CDC73: variants seen among roughly 807,000 people sequenced by gnomAD.
The protein encoded by CDC73 is cell division cycle 73.
In CDC73, 21 loss-of-function variants were observed where a neutral mutation model predicts 83.7. The observed-to-expected ratio is 0.25, with a 90% CI of 0.18 to 0.36. The LOEUF (loss-of-function observed/expected upper bound fraction) is 0.36, where lower values mean the gene tolerates loss of function less well. CDC73 is among the 10% of genes least tolerant of loss of function. The probability of loss-of-function intolerance (pLI) is 1.00; values close to 1 mark genes in which losing one functional copy is unlikely to be tolerated. For synonymous variants in CDC73, 224 were observed against 212.9 expected (o/e 1.05, Z -0.45); for missense variants, 342 against 653.3 (o/e 0.52, Z 5.19).
At chr1:193,138,445 T>G (rs1240875153) in intron 6 of CDC73, among the ~76,000 whole-genome samples, 1 of 152,236 alleles carries the variant, frequency 6.6e-6, no homozygotes, top group East Asian at 1.9e-4. Flanking sequence ...TTACCTCTTA[T>G]TGATTACTTA....
At position 193,250,535 on chromosome 1, in the gene CDC73, T is replaced by C. The variant is rs191483187; in HGVS notation, c.1560-141T>C. On this transcript the variant is annotated intron_variant, in intron 16 of 16. Coordinates refer to ENST00000367435, the MANE Select transcript of CDC73 (RefSeq NM_024529.5). ...TATTTCTAGCTTATTCCAGAGTCTT[T>C]ATATTTCCAGTTTTCTAGAAAACAG... 8.5e-4 allele frequency: 552 copies of C among 646,144 alleles called. 1 individual carries two copies. The Middle Eastern group carries it at 9.6e-3, about 11-fold the overall frequency. The allele number at this position is 646,144 out of a possible 1,614,324, so 40.0% of individuals were successfully genotyped here.
chr1:193,214,665 G>A (rs1030829343), intron 13 of CDC73, among the ~76,000 whole-genome samples: 3 of 152,212 alleles, frequency 2.0e-5, no homozygotes, highest in African/African-American at 7.2e-5. Context: ...CTTGCAGTGA[G>A]CTGAGATGCC....
At position 193,180,525 on chromosome 1, in the gene CDC73, G is replaced by T. The variant is rs1315710761; in HGVS notation, c.973-23270G>T. The T allele has an allele frequency of 9.3e-6, 15 of 1,613,936 alleles. No homozygotes were observed. The Admixed American group carries it at 1.8e-4, about 20-fold the overall frequency. On this transcript the variant is annotated intron_variant, in intron 10 of 16. Transcript: ENST00000367435. ...GATCAATTCTCAACTTGGCAAGACAGATCCCTACATATACATCTTCCAAGT... is the reference window on the plus strand; with the variant it reads ...GATCAATTCTCAACTTGGCAAGACATATCCCTACATATACATCTTCCAAGT...
chr1:193,200,512 G>A (rs1033412841), intron 10 of CDC73, among the ~76,000 whole-genome samples: 1 of 152,116 alleles, frequency 6.6e-6, no homozygotes, highest in Admixed American at 6.5e-5. Flanking sequence ...TCCCTTCTGT[G>A]TTAATTCAGT....
intron 10 of CDC73, among the ~76,000 whole-genome samples, chr1:193,176,991 T>G (rs575709356): frequency 6.6e-6 from 1 of 152,236 alleles, no homozygotes; most frequent in South Asian, 2.1e-4. Flanking sequence ...AAACAACAAC[T>G]GGAAAGAAGG....
rs1678052963 is a variant in CDC73, at chr1:193,252,112, G to A, written c.*1400G>A. 1 of 230,904 alleles carries A rather than the reference G, an allele frequency of 4.3e-6. No individual in the cohort carries two copies. The highest frequency in any genetic ancestry group is 2.2e-5 in the African/African-American group (1 of 45,178). 14.3% of individuals were successfully genotyped at this position (230,904 alleles called of 1,614,324 possible). A position where few individuals can be genotyped will look rare whatever the true frequency, so the allele number is the denominator to read the frequency against. ...AGTGATCACATAGTTCATACCACTA[G>A]TAACTAGAAAAGATATTTATTCACA... On this transcript the variant is annotated 3_prime_UTR_variant, in exon 17 of 17. Coordinates refer to ENST00000367435, the MANE Select transcript of CDC73 (RefSeq NM_024529.5).
intron 15 of CDC73, chr1:193,237,180 A>G (rs1677775743): frequency 6.6e-6 from 1 of 151,850 alleles, no homozygotes; most frequent in Non-Finnish European, 1.5e-5. Context: ...TCCACCCATT[A>G]GTTATTATGA....
chr1:193,240,778 T>A (rs1230571337), intron 15 of CDC73, among the ~76,000 whole-genome samples: 1 of 152,226 alleles, frequency 6.6e-6, no homozygotes, highest in East Asian at 1.9e-4. Flanking sequence ...TTTCTCCCAT[T>A]CAACAGGTTG....
At chr1:193,222,573 G>C (rs1677490585) in intron 13 of CDC73, among the ~76,000 whole-genome samples, 1 of 151,830 alleles carries the variant, frequency 6.6e-6, no homozygotes, top group Non-Finnish European at 1.5e-5. Flanking sequence ...GTGATAATCA[G>C]TCCTATGAGG....
Position 193,147,979 on chromosome 1 carries a change from A to G in CDC73, c.828+14A>G, listed in dbSNP as rs746954367. ...GCAGCACCTGTGGTAAGAATGCTTTACTGCTTTACAGTAGATTTAATGAAG... is the reference window on the plus strand; with the variant it reads ...GCAGCACCTGTGGTAAGAATGCTTTGCTGCTTTACAGTAGATTTAATGAAG... On this transcript the variant is annotated intron_variant, in intron 8 of 16. Transcript: ENST00000367435. The G allele has an allele frequency of 1.3e-6, 2 of 1,546,634 alleles. No homozygotes were observed. The highest frequency in any genetic ancestry group is 2.2e-5 in the South Asian group (2 of 89,574).
chr1:193,231,911 T>C (rs1489188830), intron 13 of CDC73, among the ~76,000 whole-genome samples: 1 of 152,170 alleles, frequency 6.6e-6, no homozygotes, highest in Non-Finnish European at 1.5e-5. Flanking sequence ...TTGTATTCCC[T>C]CCATTTTATT....
chr1:193,201,394 C>T (rs572150424), intron 10 of CDC73, among the ~76,000 whole-genome samples: 11 of 152,298 alleles, frequency 7.2e-5, no homozygotes, highest in Admixed American at 2.6e-4. Flanking sequence ...TGCGTTATAG[C>T]TTAATTCTCT....
At chr1:193,229,346 T>C (rs970919545) in intron 13 of CDC73, among the ~76,000 whole-genome samples, 6 of 152,214 alleles carry the variant, frequency 3.9e-5, no homozygotes, top group African/African-American at 1.4e-4. Flanking sequence ...TCCCACAAAA[T>C]TTATATGTTG....
At chr1:193,151,209 T>A (rs181439344) in intron 9 of CDC73, among the ~76,000 whole-genome samples, 1 of 152,374 alleles carries the variant, frequency 6.6e-6, no homozygotes, top group African/African-American at 2.4e-5. Flanking sequence ...ATGATATTTT[T>A]AAGCATAATC....
intron 3 of CDC73, 81 bp from the exon 4 acceptor site, chr1:193,135,310 A>T: frequency 8.5e-7 from 1 of 1,173,156 alleles, no homozygotes; most frequent in South Asian, 1.3e-5. Flanking sequence ...TATATAAAAA[A>T]CCTAAAGCAT....
In CDC73 at chr1:193,207,391, T is replaced by G. The variant is rs116514106; in HGVS notation, c.1030+3539T>G. 3.1e-3 allele frequency among the ~76,000 whole-genome samples: 467 copies of G among 152,232 alleles called. 5 individuals are homozygous for G. Among genetic ancestry groups the G allele is most frequent in the African/African-American group, 0.011 (447 of 41,538 alleles). On this transcript the variant is annotated intron_variant, in intron 11 of 16. Transcript: ENST00000367435. ...ACAGGGTTCGAGAGCAGAGAACCAATCTGACCAAAATTTACCAGGCTGGAA... is the reference window on the plus strand; with the variant it reads ...ACAGGGTTCGAGAGCAGAGAACCAAGCTGACCAAAATTTACCAGGCTGGAA...
At chr1:193,162,374 A>G (rs1676353954) in intron 10 of CDC73, among the ~76,000 whole-genome samples, 1 of 140,416 alleles carries the variant, frequency 7.1e-6, no homozygotes, top group African/African-American at 2.7e-5. Context: ...TAGTGTATAT[A>G]TATATATACA....
chr1:193,235,351 AGT>A (rs1230073515), intron 14 of CDC73, among the ~76,000 whole-genome samples: 10 of 152,154 alleles, frequency 6.6e-5, no homozygotes, highest in Non-Finnish European at 7.3e-5. Flanking sequence ...TTTCTAATAC[AGT>A]GAGGTCATTG....
At chr1:193,192,752 C>T (rs1251182102) in intron 10 of CDC73, among the ~76,000 whole-genome samples, 1 of 152,178 alleles carries the variant, frequency 6.6e-6, no homozygotes, top group Non-Finnish European at 1.5e-5. Flanking sequence ...AACTAACTGG[C>T]CTTGCCGGCA....
Sources: gnomAD v4.1 joint callset for allele counts (sites outside exome capture counted in the v4.1 genomes callset) on GRCh38, gnomAD v4.1.1 for gene constraint, MANE v1.5 for transcripts, NCBI Gene and HGNC (gene_info 2026-07-23, HGNC 2026-07-21) for gene names.